Variants in ERC2 observed in about 807,000 individuals in gnomAD.
ERC2 encodes the protein ERC protein 2.
In ERC2, 42 loss-of-function variants were observed where a neutral mutation model predicts 114.8. The observed-to-expected ratio is 0.37, with a 90% CI of 0.29 to 0.47. The LOEUF (loss-of-function observed/expected upper bound fraction) is 0.47, where lower values mean the gene tolerates loss of function less well. ERC2 is among the 20% of genes least tolerant of loss of function. ERC2 has a pLI of 0.99. For missense variants in ERC2, 939 were observed against 1,150.7 expected (o/e 0.82, Z 2.66); for synonymous variants, 454 against 425.5 (o/e 1.07, Z -0.82).
chr3:55,676,438 C>T (rs2061814451), intron 17 of ERC2, among the ~76,000 whole-genome samples: 1 of 109,612 alleles, frequency 9.1e-6, no homozygotes, highest in Non-Finnish European at 1.8e-5. Context: ...GTTTACTGAG[C>T]TGCTTATTAT....
intron 15 of ERC2, among the ~76,000 whole-genome samples, chr3:55,705,416 T>G (rs2063430820): frequency 6.6e-6 from 1 of 152,154 alleles, no homozygotes; most frequent in Non-Finnish European, 1.5e-5. Flanking sequence ...GTGTGCGGGC[T>G]TCCTTCATTC....
chr3:56,316,415 T>C (rs185769430), intron 2 of ERC2, among the ~76,000 whole-genome samples: 114 of 152,290 alleles, frequency 7.5e-4, no homozygotes, highest in Admixed American at 2.2e-3. Flanking sequence ...GGACAGAAAA[T>C]GCTGTTATTA....
At chr3:56,205,353 T>A (rs930250795) in intron 3 of ERC2, among the ~76,000 whole-genome samples, 2 of 152,120 alleles carry the variant, frequency 1.3e-5, no homozygotes, top group Non-Finnish European at 2.9e-5. Context: ...TGTCCCCAAG[T>A]CCAGGGTGCA....
At chr3:56,082,001 T>TG (rs1382741018) in intron 6 of ERC2, among the ~76,000 whole-genome samples, 1 of 152,186 alleles carries the variant, frequency 6.6e-6, no homozygotes, top group African/African-American at 2.4e-5. Flanking sequence ...ACTATGAGAT[T>TG]TCCAAGAGTC....
chr3:56,466,948 T>C (rs1366258323), intron 1 of ERC2: 1 of 152,284 alleles, frequency 6.6e-6, no homozygotes, highest in Non-Finnish European at 1.5e-5. Context: ...ATTCCTTCTT[T>C]ACACAGATTC....
intron 15 of ERC2, 88 bp from the exon 16 acceptor site, chr3:55,699,600 G>C: frequency 7.3e-7 from 1 of 1,370,938 alleles, no homozygotes; most frequent in South Asian, 1.8e-5. Context: ...TACCTATAGG[G>C]ATCCCTTTGT....
At chr3:56,295,963 T>A in intron 3 of ERC2, 56 bp downstream of exon 3, 2 of 1,484,060 alleles carry the variant, frequency 1.3e-6, no homozygotes, top group Non-Finnish European at 1.8e-6. Context: ...AATAACTTGA[T>A]AACATATTTT....
In ERC2 at chr3:56,186,114, T is replaced by TAAAAAAAAAAAA. The variant is rs201544979; in HGVS notation, c.1075-12606_1075-12595dup. On this transcript the variant is annotated intron_variant, in intron 3 of 17. Coordinates refer to ENST00000288221, the MANE Select transcript of ERC2 (RefSeq NM_015576.3). ...GAAAGCATATACATCTCAAGAACCT[T>TAAAAAAAAAAAA]AAAAAAAAAAAAAAAAAAAAAAAAA... Among the ~76,000 whole-genome samples the TAAAAAAAAAAAA allele has an allele frequency of 1.1e-4, 11 of 102,540 alleles. 1 individual carries two copies. The highest frequency in any genetic ancestry group is 3.2e-4 in the Admixed American group (3 of 9,448). 67.3% of individuals were successfully genotyped at this position (102,540 alleles called of 152,430 possible).
At chr3:55,919,270 T>G (rs2065278236) in intron 13 of ERC2, among the ~76,000 whole-genome samples, 1 of 152,106 alleles carries the variant, frequency 6.6e-6, no homozygotes, top group African/African-American at 2.4e-5. Flanking sequence ...TCCTAGCTAC[T>G]TGGAAGACTG....
At chr3:55,529,962 G>A in intron 17 of ERC2, among the ~76,000 whole-genome samples, 1 of 152,144 alleles carries the variant, frequency 6.6e-6, no homozygotes, top group East Asian at 1.9e-4. Context: ...CCATTTTCAA[G>A]ATTAGGTCAT....
At chr3:56,330,223 G>A (rs370608156) in intron 2 of ERC2, among the ~76,000 whole-genome samples, 1 of 152,138 alleles carries the variant, frequency 6.6e-6, no homozygotes, top group Middle Eastern at 3.4e-3. Flanking sequence ...TTTTTACTTA[G>A]AGACAAGGTT....
chr3:55,576,038 C>T (rs566166690), intron 17 of ERC2, among the ~76,000 whole-genome samples: 20 of 152,174 alleles, frequency 1.3e-4, no homozygotes, highest in South Asian at 8.3e-4. Flanking sequence ...AGGTTGGGTA[C>T]GGTGGCTCAC....
At chr3:56,286,140 G>A (rs541542182) in intron 3 of ERC2, among the ~76,000 whole-genome samples, 10 of 152,204 alleles carry the variant, frequency 6.6e-5, no homozygotes, top group East Asian at 3.9e-4. Flanking sequence ...GTGGCCGGGC[G>A]CGGTGGCTTG....
At chr3:55,815,325 A>G (rs2059868539) in intron 14 of ERC2, among the ~76,000 whole-genome samples, 1 of 152,216 alleles carries the variant, frequency 6.6e-6, no homozygotes, top group Non-Finnish European at 1.5e-5. Context: ...CTTTGCAAAC[A>G]TAATTAAGGT....
At chr3:56,278,522 T>C (rs1333236501) in intron 3 of ERC2, among the ~76,000 whole-genome samples, 1 of 152,212 alleles carries the variant, frequency 6.6e-6, no homozygotes, top group African/African-American at 2.4e-5. Flanking sequence ...GTAGAAAAAC[T>C]GGTGAAGTTT....
At chr3:55,668,943 CA>C (rs1195421601) in intron 17 of ERC2, among the ~76,000 whole-genome samples, 3 of 152,182 alleles carry the variant, frequency 2.0e-5, no homozygotes, top group Admixed American at 6.5e-5. Context: ...AACTGCTAAA[CA>C]GGTAAGTATT....
At chr3:55,693,713 CT>C (rs946071281) in intron 16 of ERC2, among the ~76,000 whole-genome samples, 163 of 145,424 alleles carry the variant, frequency 1.1e-3, no homozygotes, top group Middle Eastern at 3.6e-3. Context: ...ATTTTTTCTT[CT>C]TTTTTTTTTT....
intron 17 of ERC2, among the ~76,000 whole-genome samples, chr3:55,518,626 C>T (rs1251216086): frequency 6.6e-6 from 1 of 151,940 alleles, no homozygotes; most frequent in Non-Finnish European, 1.5e-5. Context: ...AATGCAAACA[C>T]AAAGTGGTCA....
intron 17 of ERC2, among the ~76,000 whole-genome samples, chr3:55,678,384 C>A (rs1320304290): frequency 6.6e-6 from 1 of 152,110 alleles, no homozygotes; most frequent in Non-Finnish European, 1.5e-5. Context: ...AATTCTTGAT[C>A]CCTGGAGATC....
Sources: gnomAD v4.1 joint callset for allele counts (sites outside exome capture counted in the v4.1 genomes callset) on GRCh38, gnomAD v4.1.1 for gene constraint, MANE v1.5 for transcripts, NCBI Gene and HGNC (gene_info 2026-07-23, HGNC 2026-07-21) for gene names.